The following FBXL13 variants were observed in gnomAD, a reference collection of about 807,000 sequenced individuals.
The protein encoded by FBXL13 is F-box and leucine-rich repeat protein 13.
A neutral mutation model predicts 83.6 loss-of-function variants in FBXL13; 67 were observed. The ratio of observed to expected loss-of-function variants is 0.80; its 90% CI spans 0.66 to 0.98. The LOEUF (loss-of-function observed/expected upper bound fraction) is 0.98, where lower values mean the gene tolerates loss of function less well. Among genes scored for constraint, FBXL13 ranks in the 50% least tolerant of loss-of-function variants. FBXL13 has a pLI of 0.00. For missense variants in FBXL13, 822 were observed against 866.5 expected (o/e 0.95, Z 0.64); for synonymous variants, 272 against 299.5 (o/e 0.91, Z 0.95).
intron 9 of FBXL13, among the ~76,000 whole-genome samples, chr7:102,927,375 G>A (rs1194023392): frequency 6.6e-6 from 1 of 152,198 alleles, no homozygotes; most frequent in African/African-American, 2.4e-5. Flanking sequence ...TACTAGGCTA[G>A]AAGATGTGGT....
chr7:102,951,503 C>T (rs893433195), intron 8 of FBXL13, among the ~76,000 whole-genome samples: 1 of 151,334 alleles, frequency 6.6e-6, no homozygotes, highest in African/African-American at 2.4e-5. Context: ...CCCAAGTCAA[C>T]CAGAATAATA....
At chr7:102,836,725 A>G (rs1259689366) in intron 17 of FBXL13, among the ~76,000 whole-genome samples, 3 of 152,218 alleles carry the variant, frequency 2.0e-5, no homozygotes, top group Middle Eastern at 3.2e-3. Context: ...GTCACAGTGT[A>G]GGCACTTAAT....
At chr7:103,057,419 G>GT (rs1302290789) in intron 1 of FBXL13, among the ~76,000 whole-genome samples, 1 of 151,140 alleles carries the variant, frequency 6.6e-6, no homozygotes, top group Non-Finnish European at 1.5e-5. Flanking sequence ...GGGGTTGGGG[G>GT]GGGTTGTTTT....
chr7:102,977,638 G>A (rs1488182158), intron 6 of FBXL13, among the ~76,000 whole-genome samples: 2 of 152,140 alleles, frequency 1.3e-5, no homozygotes, highest in African/African-American at 4.8e-5. Context: ...TCTTGTTGAA[G>A]CTACAGTTAA....
intron 8 of FBXL13, among the ~76,000 whole-genome samples, chr7:102,940,680 G>C (rs960779670): frequency 6.6e-6 from 1 of 152,284 alleles, no homozygotes; most frequent in African/African-American, 2.4e-5. Flanking sequence ...TCTAGATCAA[G>C]ACCAATTCTC....
At chr7:103,026,798 C>A (rs1276989168) in intron 5 of FBXL13, among the ~76,000 whole-genome samples, 3 of 152,118 alleles carry the variant, frequency 2.0e-5, no homozygotes, top group African/African-American at 7.2e-5. Flanking sequence ...TTTAACTTCA[C>A]CCCACATTCT....
At chr7:102,934,987 T>C (rs1057400026) in intron 8 of FBXL13, among the ~76,000 whole-genome samples, 6 of 152,098 alleles carry the variant, frequency 3.9e-5, no homozygotes, top group Non-Finnish European at 5.9e-5. Flanking sequence ...TAACTCCAAT[T>C]TAATTTAGGT....
At chr7:102,834,102 G>GGAAGGA (rs1554404981) in intron 17 of FBXL13, among the ~76,000 whole-genome samples, 6 of 102,038 alleles carry the variant, frequency 5.9e-5, no homozygotes, top group Admixed American at 1.8e-4. Flanking sequence ...AAGAAAGAAA[G>GGAAGGA]AAAGAAAGAA....
intron 10 of FBXL13, among the ~76,000 whole-genome samples, chr7:102,921,224 T>C (rs867141944): frequency 4.6e-5 from 7 of 152,356 alleles, no homozygotes; most frequent in South Asian, 2.1e-4. Context: ...ATAAATGCTA[T>C]AATCTGTAAT....
chr7:102,991,063 C>T (rs1465418053), intron 6 of FBXL13, among the ~76,000 whole-genome samples: 1 of 151,908 alleles, frequency 6.6e-6, no homozygotes, highest in Non-Finnish European at 1.5e-5. Flanking sequence ...AGAGTAGATG[C>T]CAGAAGACAA....
intron 10 of FBXL13, among the ~76,000 whole-genome samples, chr7:102,914,047 C>T (rs143184947): frequency 1.8e-4 from 27 of 152,280 alleles, no homozygotes; most frequent in African/African-American, 6.0e-4. Flanking sequence ...TGGACAATTT[C>T]CCAAGCCCTC....
At chr7:103,043,378 G>A (rs1166734804) in intron 2 of FBXL13, among the ~76,000 whole-genome samples, 1 of 152,210 alleles carries the variant, frequency 6.6e-6, no homozygotes, top group South Asian at 2.1e-4. Context: ...TGGCGGGAGT[G>A]TAAATTAGTT....
At chr7:102,903,939 C>CTTTTCTTTTTTT (rs1321420603) in intron 11 of FBXL13, among the ~76,000 whole-genome samples, 37 of 43,452 alleles carry the variant, frequency 8.5e-4, no homozygotes, top group East Asian at 1.3e-3. Context: ...CTTTTCTTTT[C>CTTTTCTTTTTTT]TTTTTTTTTT....
rs76209062 is a variant in FBXL13 at position 102,932,003 on chromosome 7, C to T, written c.725-70G>A. On this transcript the variant is annotated intron_variant, in intron 8 of 19. Coordinates refer to ENST00000313221, the Ensembl canonical transcript of FBXL13. ...GTTTAAACAAAGTTTTTCTATCTTA[C>T]ATTGAATGCAATGTATTCATTAGAA... 7.4e-4 allele frequency: 1,024 copies of T among 1,389,166 alleles called. 6 individuals carry two copies. The African/African-American group carries it at 0.014, about 19-fold the overall frequency. The allele number at this position is 1,389,166 out of a possible 1,614,324, so 86.1% of individuals were successfully genotyped here.
intron 6 of FBXL13, among the ~76,000 whole-genome samples, chr7:102,994,488 C>T (rs1829893806): frequency 1.3e-5 from 2 of 151,464 alleles, no homozygotes; most frequent in South Asian, 4.2e-4. Flanking sequence ...CAGGTCCTGC[C>T]CTCAGTTTTG....
chr7:102,927,743 A>AT (rs1471707664), intron 9 of FBXL13, among the ~76,000 whole-genome samples: 1 of 152,186 alleles, frequency 6.6e-6, no homozygotes, highest in African/African-American at 2.4e-5. Flanking sequence ...AGCTGTCAGC[A>AT]TTTTTTCTAG....
intron 6 of FBXL13, among the ~76,000 whole-genome samples, chr7:103,010,837 A>C (rs1010028065): frequency 2.0e-5 from 3 of 152,184 alleles, no homozygotes; most frequent in African/African-American, 7.2e-5. Context: ...GATATGGCTT[A>C]TATGCCAACT....
At chr7:103,047,622 C>T (rs1339614733) in intron 2 of FBXL13, among the ~76,000 whole-genome samples, 3 of 152,174 alleles carry the variant, frequency 2.0e-5, no homozygotes, top group Non-Finnish European at 4.4e-5. Context: ...TATACAATAA[C>T]TTAACATAAT....
intron 2 of FBXL13, among the ~76,000 whole-genome samples, chr7:103,044,311 T>C (rs1201972863): frequency 6.6e-6 from 1 of 152,184 alleles, no homozygotes; most frequent in Non-Finnish European, 1.5e-5. Flanking sequence ...CCAAGTGCAA[T>C]ATGTAGACTC....
Sources: gnomAD v4.1 joint callset for allele counts (sites outside exome capture counted in the v4.1 genomes callset) on GRCh38, gnomAD v4.1.1 for gene constraint, MANE v1.5 for transcripts, NCBI Gene and HGNC (gene_info 2026-07-23, HGNC 2026-07-21) for gene names.